The following SLC15A2 variants were observed in gnomAD, a reference collection of about 807,000 sequenced individuals.
SLC15A2 encodes kidney H(+)/peptide cotransporter.
SLC15A2 carries 77 observed loss-of-function variants against 95.5 expected under a neutral mutation model. The observed-to-expected ratio is 0.81, with a 90% CI of 0.67 to 0.97. SLC15A2 has a LOEUF of 0.97. Ranked by LOEUF, SLC15A2 falls within the 50% of genes least tolerant of loss-of-function variation. The pLI, the probability that SLC15A2 is intolerant of heterozygous loss-of-function variation, is 0.00. For missense variants in SLC15A2, 893 were observed against 874.4 expected, an observed-to-expected ratio of 1.02 and a Z score of -0.27; for synonymous variants, 306 against 306.9, an observed-to-expected ratio of 1.00 and a Z score of 0.03.
chr3:121,929,033 C>T lies in SLC15A2; in HGVS notation c.1393C>T (p.His465Tyr). The change falls in exon 16 of 22, where the codon CAC becomes TAC. Residue 465 changes from histidine (H) to tyrosine (Y), a missense_variant. By Grantham distance (83) the His-to-Tyr change is moderately conservative. Coordinates refer to ENST00000489711, the MANE Select transcript of SLC15A2 (RefSeq NM_021082.4). The part of the protein sequence containing the change: ...LHLKTKSQDF[H>Y]FHLKYHNLSL... ...CCTGAAAACAAAAAGCCAGGATTTT[C>T]ACTTCCACCTGAAATATCACAATTT... 1 of 1,614,104 alleles carries T rather than the reference C, an allele frequency of 6.2e-7. No homozygotes were observed. The highest frequency in any genetic ancestry group is 8.5e-7 in the Non-Finnish European group (1 of 1,179,974).
At chr3:121,908,370 C>T (rs187541739) in intron 3 of SLC15A2, among the ~76,000 whole-genome samples, 7 of 152,324 alleles carry the variant, frequency 4.6e-5, no homozygotes, top group East Asian at 3.9e-4. Context: ...TGCTTCAGCT[C>T]GCCCTCTGTG....
At chr3:121,913,585 A>G (rs866927) in intron 5 of SLC15A2, among the ~76,000 whole-genome samples, 67,906 of 152,020 alleles carry the variant, frequency 0.45, 15,688 homozygotes, top group East Asian at 0.69. Context: ...GGGAGGTGAT[A>G]AGTAGTATAG....
In SLC15A2 at chr3:121,929,063, C is replaced by G. The variant is rs764699102; in HGVS notation, c.1423C>G (p.Leu475Val). 3 of 1,614,030 alleles carry G rather than the reference C, an allele frequency of 1.9e-6. No individual in the cohort carries two copies. The highest frequency in any genetic ancestry group is 1.7e-5 in the Admixed American group (1 of 59,998). ...CCACCTGAAATATCACAATTTGTCTCTCTACACTGAGCATTCTGTGCAGGA... is the reference window on the plus strand; with the variant it reads ...CCACCTGAAATATCACAATTTGTCTGTCTACACTGAGCATTCTGTGCAGGA... ...HFHLKYHNLSLYTEHSVQEKN... is the reference protein window; with the variant it reads ...HFHLKYHNLSVYTEHSVQEKN... Residue 475 changes from leucine (L) to valine (V), a missense_variant, in exon 16 of 22, where the codon CTC (leucine) becomes GTC (valine). By Grantham distance (32) the Leu-to-Val change is conservative. Coordinates refer to ENST00000489711, the MANE Select transcript of SLC15A2 (RefSeq NM_021082.4).
At chr3:121,915,107 A>G in intron 5 of SLC15A2, 120 bp from the exon 6 acceptor site, 1 of 1,083,934 alleles carries the variant, frequency 9.2e-7, no homozygotes, top group Non-Finnish European at 1.3e-6. Flanking sequence ...AAATTCAGGT[A>G]TTGTGGAGGC....
intron 19 of SLC15A2, among the ~76,000 whole-genome samples, chr3:121,934,715 A>T (rs1464433929): frequency 6.6e-6 from 1 of 152,110 alleles, no homozygotes; most frequent in Admixed American, 6.5e-5. Flanking sequence ...GCAAATAGGG[A>T]CAATTTGACT....
intron 13 of SLC15A2, among the ~76,000 whole-genome samples, chr3:121,925,907 G>T (rs2107600096): frequency 6.6e-6 from 1 of 151,234 alleles, no homozygotes; most frequent in African/African-American, 2.4e-5. Context: ...GGAATGTGAG[G>T]TAAAGCATGT....
chr3:121,895,840 CA>C (rs1475059263), intron 1 of SLC15A2, among the ~76,000 whole-genome samples: 1 of 152,144 alleles, frequency 6.6e-6, no homozygotes, highest in African/African-American at 2.4e-5. Context: ...TGCCTAAAGT[CA>C]AGGTGATCAA....
chr3:121,911,078 A>C (rs1292185393), intron 3 of SLC15A2, among the ~76,000 whole-genome samples: 1 of 152,214 alleles, frequency 6.6e-6, no homozygotes. Context: ...GTTTTGAGGA[A>C]GTTGTTTGGG....
chr3:121,931,632 G>A lies in SLC15A2; in HGVS notation c.1665-7G>A, dbSNP rs773231156. On this transcript the variant is annotated splice_polypyrimidine_tract_variant and splice_region_variant and intron_variant, in intron 18 of 21. Coordinates refer to ENST00000489711, the MANE Select transcript of SLC15A2 (RefSeq NM_021082.4). ...ATTTATTCTAACCTAAATTCATCCTGTTCCAGATACCCTGCAGTGCACTGT... is the reference window on the plus strand; with the variant it reads ...ATTTATTCTAACCTAAATTCATCCTATTCCAGATACCCTGCAGTGCACTGT... The A allele has an allele frequency of 1.9e-6, 3 of 1,594,912 alleles. No homozygotes were observed. The Admixed American group carries it at 5.0e-5, about 27-fold the overall frequency.
chr3:121,914,284 T>C lies in SLC15A2; in HGVS notation c.529-943T>C, dbSNP rs189319186. ...AATGGGGAAGGACTCGTTGTTCTAA[T>C]ATGGCAGGGAGAGATCTGGGGTGTC... On this transcript the variant is annotated intron_variant, in intron 5 of 21. Coordinates refer to ENST00000489711, the MANE Select transcript of SLC15A2 (RefSeq NM_021082.4). Among the ~76,000 whole-genome samples the C allele has an allele frequency of 7.2e-5, 11 of 152,318 alleles. No homozygotes were observed. The East Asian group carries it at 2.1e-3, about 29-fold the overall frequency.
chr3:121,894,550 G>C lies in SLC15A2; in HGVS notation c.74G>C (p.Arg25Pro), dbSNP rs774703716. 1.2e-6 allele frequency: 2 copies of C among 1,613,840 alleles called. No homozygotes were observed. Among genetic ancestry groups the C allele is most frequent in the Admixed American group, 3.3e-5 (2 of 59,984 alleles). Residue 25 changes from arginine to proline, a missense_variant, in exon 1 of 22, where the codon CGA becomes CCA. Coordinates refer to ENST00000489711, the MANE Select transcript of SLC15A2 (RefSeq NM_021082.4). ...GTCTCCATTGAAGAGGTACCACCTC[G>C]ACCACCTAGCCCTCCAAAGAAGCCA... The part of the protein sequence containing the change: ...SPVSIEEVPP[R>P]PPSPPKKPSP...
At chr3:121,895,388 C>T (rs1476792956) in intron 1 of SLC15A2, 1 of 152,130 alleles carries the variant, frequency 6.6e-6, no homozygotes, top group African/African-American at 2.4e-5. Context: ...AAGCCCAGTT[C>T]ATTGTATGTT....
intron 13 of SLC15A2, among the ~76,000 whole-genome samples, chr3:121,926,675 C>G (rs909718306): frequency 6.6e-6 from 1 of 152,198 alleles, no homozygotes; most frequent in East Asian, 1.9e-4. Flanking sequence ...CACACAGAGT[C>G]CCCACAAGGA....
chr3:121,902,137 T>C (rs1264971425), intron 3 of SLC15A2, among the ~76,000 whole-genome samples: 1 of 152,146 alleles, frequency 6.6e-6, no homozygotes, highest in Admixed American at 6.5e-5. Flanking sequence ...AATCAATAGG[T>C]ACGCAGTGGG....
At chr3:121,909,701 T>C (rs973051918) in intron 3 of SLC15A2, among the ~76,000 whole-genome samples, 2 of 152,212 alleles carry the variant, frequency 1.3e-5, no homozygotes, top group African/African-American at 4.8e-5. Flanking sequence ...ACTTCTTTCA[T>C]TCATTTAGTC....
intron 3 of SLC15A2, among the ~76,000 whole-genome samples, chr3:121,904,712 T>C (rs1475294786): frequency 6.6e-6 from 1 of 152,234 alleles, no homozygotes; most frequent in African/African-American, 2.4e-5. Flanking sequence ...GACTTGATCA[T>C]GGTGGATAAC....
chr3:121,913,064 G>C lies in SLC15A2; in HGVS notation c.472G>C (p.Gly158Arg). The C allele has an allele frequency of 6.2e-7, 1 of 1,613,828 alleles. No homozygotes were observed. The highest frequency in any genetic ancestry group is 8.5e-7 in the Non-Finnish European group (1 of 1,179,780). ...CCTGAGTCTAATAGCTTTGGGGACA[G>C]GAGGCATCAAACCCTGTGTGGCAGC... ...IGLSLIALGT[G>R]GIKPCVAAFG... The change falls in exon 5 of 22, where the codon GGA becomes CGA. Residue 158 changes from glycine (G) to arginine (R), a missense_variant. By Grantham distance (125) the Gly-to-Arg change is moderately radical. Coordinates refer to ENST00000489711, the MANE Select transcript of SLC15A2 (RefSeq NM_021082.4).
chr3:121,896,381 G>A (rs1443607754), intron 1 of SLC15A2, 25 bp from the exon 2 acceptor site: 2 of 1,571,272 alleles, frequency 1.3e-6, no homozygotes, highest in Non-Finnish European at 1.8e-6. Context: ...GCTCATGCTT[G>A]AATCATTGCC....
chr3:121,901,331 T>C (rs915729489), intron 3 of SLC15A2, among the ~76,000 whole-genome samples: 3 of 152,194 alleles, frequency 2.0e-5, no homozygotes, highest in Non-Finnish European at 2.9e-5. Context: ...TTTATATTTT[T>C]ATCCAAGAGC....
Sources: allele counts gnomAD v4.1 joint callset (sites outside exome capture counted in the v4.1 genomes callset), GRCh38; gene constraint gnomAD v4.1.1; transcripts MANE v1.5; gene names NCBI Gene and HGNC (gene_info 2026-07-23, HGNC 2026-07-21).